Variants in NFS1 observed in about 807,000 individuals in gnomAD.
The protein encoded by NFS1 is cysteine desulfurase.
In NFS1, 26 loss-of-function variants were observed where a neutral mutation model predicts 57.3. That is an observed-to-expected ratio of 0.45 (90% CI 0.33 to 0.63). The LOEUF (loss-of-function observed/expected upper bound fraction) is 0.63, where lower values mean the gene tolerates loss of function less well. NFS1 is among the 20% of genes least tolerant of loss of function. NFS1 has a pLI of 0.02. For synonymous variants in NFS1, 209 were observed against 216.3 expected (o/e 0.97, Z 0.30); for missense variants, 505 against 605.8 (o/e 0.83, Z 1.75).
At chr20:35,697,233 G>A (rs1488598372) in intron 3 of NFS1, among the ~76,000 whole-genome samples, 1 of 151,908 alleles carries the variant, frequency 6.6e-6, no homozygotes, top group Non-Finnish European at 1.5e-5. Flanking sequence ...GGAGGCAGAG[G>A]TTGCAGTGAG....
In NFS1 at chr20:35,681,625, A is replaced by G. The variant is rs6060555; in HGVS notation, c.655+263T>C. Among the ~76,000 whole-genome samples, 10,278 of 152,100 alleles carry G rather than the reference A, an allele frequency of 0.068. 427 individuals carry two copies. Among genetic ancestry groups the G allele is most frequent in the South Asian group, 0.18 (871 of 4,820 alleles). ...AGGCGGTAGGATCATTTGAACCCAGAGTGAGGAGGTTGCAGGGAGCTGAGA... is the reference window on the plus strand; with the variant it reads ...AGGCGGTAGGATCATTTGAACCCAGGGTGAGGAGGTTGCAGGGAGCTGAGA... On this transcript the variant is annotated intron_variant, in intron 6 of 12. Transcript: ENST00000374092.
At chr20:35,679,617 AAGAC>A (rs1265082896) in intron 7 of NFS1, among the ~76,000 whole-genome samples, 1 of 152,182 alleles carries the variant, frequency 6.6e-6, no homozygotes, top group South Asian at 2.1e-4. Flanking sequence ...ATTTTATTAA[AAGAC>A]AGAACGCTTA....
chr20:35,689,592 C>A (rs2035006151), intron 5 of NFS1, among the ~76,000 whole-genome samples: 2 of 151,788 alleles, frequency 1.3e-5, no homozygotes, highest in Admixed American at 1.3e-4. Flanking sequence ...CATGGTGAAA[C>A]CCCGTCTCTA....
At chr20:35,688,781 AAAGG>A (rs1303077985) in intron 5 of NFS1, among the ~76,000 whole-genome samples, 8 of 150,710 alleles carry the variant, frequency 5.3e-5, no homozygotes, top group Admixed American at 2.7e-4. Flanking sequence ...AAAGAGGGAG[AAAGG>A]AAGGAAGGGA....
chr20:35,681,855 G>T, intron 6 of NFS1, 33 bp downstream of exon 6: 1 of 1,244,046 alleles, frequency 8.0e-7, no homozygotes, highest in South Asian at 1.2e-5. Flanking sequence ...GCCCCATGGT[G>T]GGCAGGGATC....
intron 6 of NFS1, 123 bp from the exon 7 acceptor site, chr20:35,680,994 C>G: frequency 2.8e-6 from 2 of 714,566 alleles, no homozygotes; most frequent in Non-Finnish European, 4.1e-6. Flanking sequence ...CCTCCCCTCC[C>G]TCCTTCTACC....
chr20:35,691,575 T>C (rs1007653369), intron 4 of NFS1, among the ~76,000 whole-genome samples: 1 of 149,616 alleles, frequency 6.7e-6, no homozygotes, highest in African/African-American at 2.5e-5. Context: ...ACCCCATCTC[T>C]ACTAAAAATT....
intron 1 of NFS1, 172 bp from the exon 2 acceptor site, chr20:35,698,762 G>A (rs1427727514): frequency 4.3e-6 from 6 of 1,410,096 alleles, no homozygotes; most frequent in Non-Finnish European, 4.6e-6. Context: ...GCTGTAAAAG[G>A]AGGTAAGGGA....
intron 4 of NFS1, among the ~76,000 whole-genome samples, chr20:35,691,432 T>G (rs2035037394): frequency 6.6e-6 from 1 of 151,426 alleles, no homozygotes; most frequent in African/African-American, 2.4e-5. Context: ...AAAAAAACAT[T>G]TATCTCATTG....
At chr20:35,671,873 G>A (rs1175077771) in intron 12 of NFS1, among the ~76,000 whole-genome samples, 1 of 148,496 alleles carries the variant, frequency 6.7e-6, no homozygotes, top group Non-Finnish European at 1.5e-5. Context: ...CTGAATAACA[G>A]AGCAAGAACT....
At position 35,669,256 on chromosome 20, in the gene NFS1, CTCAAATGTCCATGTAGAGCA is replaced by C. The variant is rs1017680140; in HGVS notation, c.*346_*365del. On this transcript the variant is annotated 3_prime_UTR_variant, in exon 13 of 13. Coordinates refer to ENST00000374092, the MANE Select transcript of NFS1 (RefSeq NM_021100.5). ...GCCGAGCAGCAGCAGAAGACGAAGACTCAAATGTCCATGTAGAGCATCATGGTCCCTGACCAAAGAGACTT... is the reference window on the plus strand; with the variant it reads ...GCCGAGCAGCAGCAGAAGACGAAGACTCATGGTCCCTGACCAAAGAGACTT... 3 of 175,476 alleles carry C rather than the reference CTCAAATGTCCATGTAGAGCA, an allele frequency of 1.7e-5. No individual in the cohort carries two copies. The highest frequency in any genetic ancestry group is 1.2e-4 in the Admixed American group (2 of 16,266). The allele number at this position is 175,476 out of a possible 1,614,324, so 10.9% of individuals were successfully genotyped here. A position where few individuals can be genotyped will look rare whatever the true frequency, so the allele number is the denominator to read the frequency against.
intron 4 of NFS1, among the ~76,000 whole-genome samples, chr20:35,691,209 A>G (rs2146434151): frequency 6.6e-6 from 1 of 152,204 alleles, no homozygotes; most frequent in East Asian, 1.9e-4. Context: ...GCAAATTAGC[A>G]GTGAAAATGT....
At chr20:35,670,020 C>T (rs1160608924) in intron 12 of NFS1, among the ~76,000 whole-genome samples, 3 of 152,236 alleles carry the variant, frequency 2.0e-5, no homozygotes, top group Non-Finnish European at 2.9e-5. Flanking sequence ...GCCATGGTTT[C>T]CCTTGGAGGA....
chr20:35,679,253 G>A (rs549146347), intron 7 of NFS1, among the ~76,000 whole-genome samples: 2 of 151,806 alleles, frequency 1.3e-5, no homozygotes, highest in African/African-American at 2.4e-5. Flanking sequence ...GTGTGATCTC[G>A]GCTCACTGCA....
chr20:35,675,120 C>A lies in NFS1; in HGVS notation c.873G>T (p.Met291Ile). Residue 291 changes from methionine (M) to isoleucine (I), a missense_variant, in exon 8 of 13, where the codon ATG (methionine) becomes ATT (isoleucine). Coordinates refer to ENST00000374092, the MANE Select transcript of NFS1 (RefSeq NM_021100.5). The stretch of plus-strand genomic sequence containing the variant: ...AGGGTGTGGGCACTGTCCCAGACCG[C>A]ATACCCCGCTCCTGCCCCCCTCCAC... ...LQSGGGQERG[M>I]RSGTVPTPLV... 6.2e-7 allele frequency: 1 copy of A among 1,614,086 alleles called. No homozygotes were observed. The highest frequency in any genetic ancestry group is 8.5e-7 in the Non-Finnish European group (1 of 1,180,022).
rs754877097 is a variant in NFS1 at position 35,699,275 on chromosome 20, G to C, written c.14C>G (p.Ala5Gly). Residue 5 changes from alanine to glycine, a missense_variant, in exon 1 of 13, where the codon GCC becomes GGC. Coordinates refer to ENST00000374092, the MANE Select transcript of NFS1 (RefSeq NM_021100.5). This position sits in a 1 kb window ranked among gnomAD's most constrained non-coding sequence, Gnocchi z 4.4. MLLR[A>G]AWRRAAVAVT... ...CGCCACTGCCGCCCGCCTCCAAGCG[G>C]CTCGGAGCAGCATGGTCCCGCTGGC... 7.1e-7 allele frequency: 1 copy of C among 1,417,330 alleles called. No homozygotes were observed. The highest frequency in any genetic ancestry group is 1.5e-5 in the South Asian group (1 of 66,966). The allele number at this position is 1,417,330 out of a possible 1,614,324, so 87.8% of individuals were successfully genotyped here.
chr20:35,694,098 A>T (rs2035088613), intron 4 of NFS1, among the ~76,000 whole-genome samples: 1 of 151,582 alleles, frequency 6.6e-6, no homozygotes, highest in African/African-American at 2.4e-5. Flanking sequence ...GTGAGCTGTG[A>T]TTGTGCAACT....
intron 5 of NFS1, among the ~76,000 whole-genome samples, chr20:35,685,260 A>G (rs1388557004): frequency 6.6e-6 from 1 of 151,672 alleles, no homozygotes; most frequent in Non-Finnish European, 1.5e-5. Flanking sequence ...CTATAGTTCC[A>G]GCTACTCAGG....
At chr20:35,689,768 TAAAAA>T (rs765257027) in intron 5 of NFS1, among the ~76,000 whole-genome samples, 1 of 108,436 alleles carries the variant, frequency 9.2e-6, no homozygotes, top group Non-Finnish European at 1.9e-5. Flanking sequence ...GACTCTGTTT[TAAAAA>T]AAAAAAAAAA....
Sources: gnomAD v4.1 joint callset for allele counts (sites outside exome capture counted in the v4.1 genomes callset) on GRCh38, gnomAD v4.1.1 for gene constraint, Gnocchi (gnomAD v3.1) non-coding constraint, MANE v1.5 for transcripts, NCBI Gene and HGNC (gene_info 2026-07-23, HGNC 2026-07-21) for gene names.